LRRC4C: variants seen among roughly 807,000 people sequenced by gnomAD.
The protein encoded by LRRC4C is leucine-rich repeat-containing protein 4C.
LRRC4C carries 5 observed loss-of-function variants against 33.6 expected under a neutral mutation model. That is an observed-to-expected ratio of 0.15 (90% confidence interval 0.08 to 0.31). The LOEUF (loss-of-function observed/expected upper bound fraction) is 0.31, where lower values mean the gene tolerates loss of function less well. Ranked by LOEUF, LRRC4C falls within the 10% of genes least tolerant of loss-of-function variation. The pLI is 1.00. For missense variants in LRRC4C, 560 were observed against 796.7 expected, an observed-to-expected ratio of 0.70 and a Z score of 3.58; for synonymous variants, 329 against 302.0, an observed-to-expected ratio of 1.09 and a Z score of -0.93.
At chr11:40,863,110 A>C (rs1733757551) in intron 2 of LRRC4C, among the ~76,000 whole-genome samples, 1 of 152,224 alleles carries the variant, frequency 6.6e-6, no homozygotes. Flanking sequence ...ACAGAGCACA[A>C]AAGACTGAGC....
At chr11:41,236,200 T>G (rs924446352) in intron 1 of LRRC4C, among the ~76,000 whole-genome samples, 3 of 152,224 alleles carry the variant, frequency 2.0e-5, no homozygotes, top group Non-Finnish European at 4.4e-5. Context: ...TGGATTGACC[T>G]CAGGTATAGA....
At chr11:41,335,304 T>G (rs571916905) in intron 1 of LRRC4C, among the ~76,000 whole-genome samples, 51 of 152,336 alleles carry the variant, frequency 3.3e-4, no homozygotes, top group Non-Finnish European at 3.7e-4. Context: ...ATTAGAGTAG[T>G]AAATGTGTGG....
At chr11:40,434,350 G>A (rs1310459130) in intron 3 of LRRC4C, among the ~76,000 whole-genome samples, 8 of 152,192 alleles carry the variant, frequency 5.3e-5, no homozygotes, top group Non-Finnish European at 1.5e-5. Flanking sequence ...GGTGTTACGG[G>A]AGGGCGAGCT....
intron 3 of LRRC4C, among the ~76,000 whole-genome samples, chr11:40,412,061 G>T (rs1032288529): frequency 6.6e-6 from 1 of 151,808 alleles, no homozygotes; most frequent in African/African-American, 2.4e-5. Context: ...TCTGTTAAAA[G>T]ACTAATAGTA....
chr11:41,011,969 G>T (rs1855232725), intron 1 of LRRC4C, among the ~76,000 whole-genome samples: 1 of 149,298 alleles, frequency 6.7e-6, no homozygotes, highest in Admixed American at 6.7e-5. Context: ...ATACTTAATA[G>T]ATGTGTATAT....
chr11:41,124,871 G>T lies in LRRC4C; in HGVS notation c.-495-191148C>A, dbSNP rs185239800. On this transcript the variant is annotated intron_variant, in intron 1 of 6. Transcript: ENST00000528697. The stretch of plus-strand genomic sequence containing the variant: ...AGAGAAATGGAAATAAATATATGAT[G>T]ACTTTAAAATAATAATCAAAGAATT... 2.0e-5 allele frequency among the ~76,000 whole-genome samples: 3 copies of T among 152,232 alleles called. No individual in the cohort carries two copies. The East Asian group carries it at 5.8e-4, about 30-fold the overall frequency.
At chr11:40,353,675 A>G (rs185856598) in intron 3 of LRRC4C, among the ~76,000 whole-genome samples, 104 of 152,286 alleles carry the variant, frequency 6.8e-4, no homozygotes, top group African/African-American at 2.4e-3. Flanking sequence ...GATCATGCCA[A>G]TGCACACCAG....
chr11:40,796,006 T>G (rs2135220191), intron 2 of LRRC4C, among the ~76,000 whole-genome samples: 1 of 152,266 alleles, frequency 6.6e-6, no homozygotes, highest in Non-Finnish European at 1.5e-5. Context: ...ATCTATAAGT[T>G]TACTCTGATC....
chr11:41,166,037 A>G (rs574994964), intron 1 of LRRC4C, among the ~76,000 whole-genome samples: 21 of 152,174 alleles, frequency 1.4e-4, no homozygotes, highest in African/African-American at 3.9e-4. Flanking sequence ...GTCAAAAAAA[A>G]AAAAAAAGTC....
intron 5 of LRRC4C, among the ~76,000 whole-genome samples, chr11:40,194,825 A>G (rs2135661422): frequency 6.6e-6 from 1 of 152,310 alleles, no homozygotes; most frequent in Non-Finnish European, 1.5e-5. Flanking sequence ...ATGGTGGCTT[A>G]CGCCTGTAAT....
intron 1 of LRRC4C, among the ~76,000 whole-genome samples, chr11:41,392,916 A>G (rs1953661437): frequency 6.6e-6 from 1 of 151,854 alleles, no homozygotes; most frequent in Non-Finnish European, 1.5e-5. Flanking sequence ...GTAGGAGAAT[A>G]AATTTAGGGC....
chr11:40,588,363 C>G (rs1958863809), intron 3 of LRRC4C, among the ~76,000 whole-genome samples: 2 of 152,124 alleles, frequency 1.3e-5, no homozygotes, highest in Non-Finnish European at 2.9e-5. Flanking sequence ...TGATTATTCT[C>G]TCTTTTTTTC....
intron 1 of LRRC4C, among the ~76,000 whole-genome samples, chr11:41,185,132 A>G (rs1945635647): frequency 6.6e-6 from 1 of 152,156 alleles, no homozygotes; most frequent in African/African-American, 2.4e-5. Context: ...CGGTGGGGAC[A>G]CAGCCAAACC....
At position 40,562,315 on chromosome 11, in the gene LRRC4C, T is replaced by A. The variant is rs548586548; in HGVS notation, c.-270+85827A>T. On this transcript the variant is annotated intron_variant, in intron 3 of 6. Coordinates refer to ENST00000528697, the MANE Select transcript of LRRC4C (RefSeq NM_001258419.2). ...ATAGTGTTTTTTCTTGCATTTATATTTTTTAAGGACACTAATATTATTCCC... is the reference window on the plus strand; with the variant it reads ...ATAGTGTTTTTTCTTGCATTTATATATTTTAAGGACACTAATATTATTCCC... Among the ~76,000 whole-genome samples the A allele has an allele frequency of 2.0e-4, 31 of 152,330 alleles. 1 individual carries two copies. Among genetic ancestry groups the A allele is most frequent in the Non-Finnish European group, 4.0e-4 (27 of 68,020 alleles).
At chr11:40,990,286 T>A (rs1351851447) in intron 1 of LRRC4C, among the ~76,000 whole-genome samples, 2 of 142,714 alleles carry the variant, frequency 1.4e-5, no homozygotes, top group South Asian at 2.2e-4. Flanking sequence ...AATATATGAG[T>A]ATTCTTGACA....
At chr11:41,309,143 G>A (rs900040824) in intron 1 of LRRC4C, among the ~76,000 whole-genome samples, 3 of 152,202 alleles carry the variant, frequency 2.0e-5, no homozygotes, top group Non-Finnish European at 4.4e-5. Context: ...GATGGTAACA[G>A]CATTTTCTGG....
chr11:41,045,558 G>A (rs568865014), intron 1 of LRRC4C, among the ~76,000 whole-genome samples: 1 of 152,166 alleles, frequency 6.6e-6, no homozygotes, highest in South Asian at 2.1e-4. Flanking sequence ...CTTCAAGTAA[G>A]GATATGTGCT....
chr11:40,830,595 G>A (rs1266568630), intron 2 of LRRC4C, among the ~76,000 whole-genome samples: 2 of 152,152 alleles, frequency 1.3e-5, no homozygotes, highest in East Asian at 3.9e-4. Flanking sequence ...AATCAAATTG[G>A]TGTAAAATAA....
intron 2 of LRRC4C, among the ~76,000 whole-genome samples, chr11:40,656,007 G>A (rs1943087391): frequency 1.3e-5 from 2 of 151,992 alleles, no homozygotes; most frequent in Non-Finnish European, 2.9e-5. Flanking sequence ...GAACAGAAAG[G>A]GGAAAATCCA....
Sources: allele counts gnomAD v4.1 joint callset (sites outside exome capture counted in the v4.1 genomes callset), GRCh38; gene constraint gnomAD v4.1.1; transcripts MANE v1.5; gene names NCBI Gene and HGNC (gene_info 2026-07-23, HGNC 2026-07-21).